The following CCDC91 variants were observed in gnomAD, a reference collection of about 807,000 sequenced individuals.
The protein encoded by CCDC91 is coiled-coil domain containing 91, also known as coiled-coil domain-containing protein 91.
CCDC91 carries 48 observed loss-of-function variants against 63.2 expected under a neutral mutation model. The ratio of observed to expected loss-of-function variants is 0.76; its 90% confidence interval spans 0.60 to 0.97. CCDC91 has a LOEUF of 0.97. CCDC91 is among the 50% of genes least tolerant of loss of function. The probability of loss-of-function intolerance (pLI) is 0.00; values close to 1 mark genes in which losing one functional copy is unlikely to be tolerated. For synonymous variants in CCDC91, 167 were observed against 165.8 expected (o/e 1.01, Z -0.06); for missense variants, 500 against 494.6 (o/e 1.01, Z -0.10).
At chr12:28,403,285 G>C (rs570442625) in intron 8 of CCDC91, among the ~76,000 whole-genome samples, 1 of 152,258 alleles carries the variant, frequency 6.6e-6, no homozygotes, top group South Asian at 2.1e-4. Context: ...GGTGCTTTCT[G>C]TTTGGAAGGT....
At chr12:28,546,043 A>G (rs975067579) in intron 12 of CCDC91, among the ~76,000 whole-genome samples, 7 of 152,114 alleles carry the variant, frequency 4.6e-5, no homozygotes, top group African/African-American at 1.7e-4. Flanking sequence ...CACATATGTT[A>G]TATGTACACA....
At chr12:28,267,824 TTAATATATAATTATATATAATTATATAG>T (rs1399169673) in intron 3 of CCDC91, among the ~76,000 whole-genome samples, 2,153 of 30,464 alleles carry the variant, frequency 0.071, 378 homozygotes, top group East Asian at 0.14. Flanking sequence ...AATTATATTA[TTAATATATAATTATATATAATTATATAG>T]TAATATATAA....
At chr12:28,194,857 G>T (rs1941615136) in intron 1 of CCDC91, among the ~76,000 whole-genome samples, 1 of 152,106 alleles carries the variant, frequency 6.6e-6, no homozygotes, top group South Asian at 2.1e-4. Flanking sequence ...GTCCGGAGTT[G>T]TTCGTTCTTC....
At chr12:28,479,552 A>G (rs146790977) in intron 11 of CCDC91, among the ~76,000 whole-genome samples, 4,254 of 152,270 alleles carry the variant, frequency 0.028, 169 homozygotes, top group African/African-American at 0.092. Flanking sequence ...AACATGGCAC[A>G]TGTATACATA....
chr12:28,380,536 C>A (rs1945235446), intron 7 of CCDC91, among the ~76,000 whole-genome samples: 1 of 152,034 alleles, frequency 6.6e-6, no homozygotes, highest in African/African-American at 2.4e-5. Flanking sequence ...GATTTCTGCT[C>A]ATTATAACAA....
chr12:28,535,747 C>T lies in CCDC91; in HGVS notation c.1216-13316C>T, dbSNP rs144598792. On this transcript the variant is annotated intron_variant, in intron 12 of 12. Transcript: ENST00000536442. ...TCACCTATAAAACATATGTGGGAAA[C>T]GGGCCTGGTGCGGTATCATGCCTGT... Among the ~76,000 whole-genome samples the T allele has an allele frequency of 9.2e-5, 14 of 152,120 alleles. No individual in the cohort carries two copies. In the East Asian group the frequency reaches 2.1e-3, roughly 23 times the overall value.
At chr12:28,241,782 G>A (rs1282782688) in intron 1 of CCDC91, among the ~76,000 whole-genome samples, 1 of 151,774 alleles carries the variant, frequency 6.6e-6, no homozygotes. Context: ...GATCACCTGA[G>A]GTCAGGAGTT....
At chr12:28,445,633 C>G (rs2140275518) in intron 8 of CCDC91, among the ~76,000 whole-genome samples, 1 of 152,324 alleles carries the variant, frequency 6.6e-6, no homozygotes, top group South Asian at 2.1e-4. Flanking sequence ...TGTGCACTGT[C>G]TCAGTCAGCT....
At chr12:28,445,458 A>C (rs1215328528) in intron 8 of CCDC91, among the ~76,000 whole-genome samples, 2 of 152,216 alleles carry the variant, frequency 1.3e-5, no homozygotes, top group African/African-American at 2.4e-5. Context: ...GAGAAGAGCA[A>C]GTTGTAATCT....
At chr12:28,379,196 A>G (rs1945129441) in intron 7 of CCDC91, among the ~76,000 whole-genome samples, 1 of 152,004 alleles carries the variant, frequency 6.6e-6, no homozygotes, top group Admixed American at 6.6e-5. Flanking sequence ...TTACATAAAA[A>G]CCCTAGAAGA....
intron 1 of CCDC91, among the ~76,000 whole-genome samples, chr12:28,221,329 T>G (rs1261634737): frequency 6.6e-6 from 1 of 152,154 alleles, no homozygotes; most frequent in Non-Finnish European, 1.5e-5. Flanking sequence ...TAATAGCTGC[T>G]TTTATGTCCG....
intron 7 of CCDC91, among the ~76,000 whole-genome samples, chr12:28,366,364 C>A (rs1195196597): frequency 1.3e-5 from 2 of 152,148 alleles, no homozygotes; most frequent in Non-Finnish European, 2.9e-5. Context: ...AGAAACAAAC[C>A]TCACGAAAAG....
At chr12:28,247,435 G>A (rs73263470) in intron 1 of CCDC91, among the ~76,000 whole-genome samples, 7,395 of 150,466 alleles carry the variant, frequency 0.049, 552 homozygotes, top group African/African-American at 0.16. Flanking sequence ...AGCCGAGACC[G>A]GGCCACTGCA....
At chr12:28,344,664 A>AT (rs1942681426) in intron 6 of CCDC91, among the ~76,000 whole-genome samples, 2 of 152,280 alleles carry the variant, frequency 1.3e-5, no homozygotes, top group African/African-American at 4.8e-5. Context: ...GCACTATGCT[A>AT]TCTACTTTGA....
chr12:28,518,630 T>C (rs1940230329), intron 12 of CCDC91, among the ~76,000 whole-genome samples: 2 of 152,118 alleles, frequency 1.3e-5, no homozygotes, highest in Admixed American at 1.3e-4. Context: ...ACTGTTTCTT[T>C]TGCTGTGCAA....
chr12:28,294,961 T>TA (rs1356756467), intron 3 of CCDC91, among the ~76,000 whole-genome samples: 1 of 152,204 alleles, frequency 6.6e-6, no homozygotes, highest in African/African-American at 2.4e-5. Context: ...AATAGTCATG[T>TA]AAAAAAAGAT....
Position 28,421,544 on chromosome 12 carries a change from CTT to C in CCDC91, c.763-28605_763-28604del, listed in dbSNP as rs77369550. On this transcript the variant is annotated intron_variant, in intron 8 of 12. Transcript: ENST00000536442. ...CTGCAGCAAAGGATGTGATCTCTTT[CTT>C]TTTTTTTTTTTATGTCTTTCTTTTT... is the stretch of plus-strand genomic sequence containing the variant. 3.1e-3 allele frequency among the ~76,000 whole-genome samples: 445 copies of C among 144,290 alleles called. 2 individuals are homozygous for C. Among genetic ancestry groups the C allele is most frequent in the Non-Finnish European group, 5.2e-3 (340 of 65,480 alleles). The allele number at this position is 144,290 out of a possible 152,430, so 94.7% of individuals were successfully genotyped here.
intron 3 of CCDC91, among the ~76,000 whole-genome samples, chr12:28,298,098 CTCTTT>C (rs1949663410): frequency 1.4e-5 from 2 of 143,176 alleles, no homozygotes; most frequent in African/African-American, 5.1e-5. Context: ...ATAATATGCT[CTCTTT>C]TCTTTCACAG....
chr12:28,387,280 C>G (rs1376611892), intron 7 of CCDC91, among the ~76,000 whole-genome samples: 4 of 152,210 alleles, frequency 2.6e-5, no homozygotes, highest in African/African-American at 9.7e-5. Flanking sequence ...AATGCTTAAA[C>G]TCCTTGTTGT....
Sources: allele counts gnomAD v4.1 joint callset (sites outside exome capture counted in the v4.1 genomes callset), GRCh38; gene constraint gnomAD v4.1.1; transcripts MANE v1.5; gene names NCBI Gene and HGNC (gene_info 2026-07-23, HGNC 2026-07-21).